PCCA: variants seen among roughly 807,000 people sequenced by gnomAD.
PCCA encodes propionyl-CoA carboxylase alpha chain, mitochondrial.
In PCCA, 74 loss-of-function variants were observed where a neutral mutation model predicts 101.3. The ratio of observed to expected loss-of-function variants is 0.73; its 90% CI spans 0.61 to 0.89. The LOEUF is 0.89. PCCA is among the 40% of genes least tolerant of loss of function. The pLI is 0.00. For missense variants in PCCA, 891 were observed against 907.0 expected (o/e 0.98, Z 0.23); for synonymous variants, 294 against 313.6 (o/e 0.94, Z 0.66).
chr13:100,249,072 G>A (rs970972452), intron 8 of PCCA, among the ~76,000 whole-genome samples: 5 of 152,136 alleles, frequency 3.3e-5, no homozygotes, highest in Admixed American at 6.5e-5. Context: ...ATTCTTTTAA[G>A]AATGTTATTT....
chr13:100,294,189 A>T (rs2065345679), intron 12 of PCCA, among the ~76,000 whole-genome samples: 1 of 151,926 alleles, frequency 6.6e-6, no homozygotes, highest in Non-Finnish European at 1.5e-5. Flanking sequence ...CTGGGTCCTG[A>T]TCTTCTCTTA....
At chr13:100,432,768 G>C (rs1022598651) in intron 20 of PCCA, among the ~76,000 whole-genome samples, 1 of 152,212 alleles carries the variant, frequency 6.6e-6, no homozygotes, top group Non-Finnish European at 1.5e-5. Context: ...GGTGCAAGCA[G>C]TGTAGAGAAA....
At chr13:100,505,196 G>C (rs1033796445) in intron 21 of PCCA, among the ~76,000 whole-genome samples, 2 of 152,126 alleles carry the variant, frequency 1.3e-5, no homozygotes, top group African/African-American at 4.8e-5. Flanking sequence ...CGTTTATATT[G>C]TGTCATTCAT....
chr13:100,266,983 T>C (rs1376358733), intron 10 of PCCA, among the ~76,000 whole-genome samples: 1 of 152,222 alleles, frequency 6.6e-6, no homozygotes, highest in African/African-American at 2.4e-5. Flanking sequence ...GTTTTCTGAT[T>C]ACATGGCTTC....
At chr13:100,215,735 G>C (rs140926861) in intron 7 of PCCA, among the ~76,000 whole-genome samples, 3,690 of 152,124 alleles carry the variant, frequency 0.024, 61 homozygotes, top group Non-Finnish European at 0.038. Context: ...TCCACCCTGG[G>C]TTCAAGCAAT....
At chr13:100,475,393 AT>A (rs1369854580) in intron 21 of PCCA, among the ~76,000 whole-genome samples, 1 of 152,078 alleles carries the variant, frequency 6.6e-6, no homozygotes, top group East Asian at 1.9e-4. Context: ...TATTCTGGAC[AT>A]TTCTTAGGAA....
At chr13:100,452,649 A>AT (rs1365865545) in intron 21 of PCCA, among the ~76,000 whole-genome samples, 1,697 of 135,870 alleles carry the variant, frequency 0.012, 36 homozygotes, top group African/African-American at 0.053. Flanking sequence ...CACTTTATTT[A>AT]TTTATTTTTT....
intron 16 of PCCA, among the ~76,000 whole-genome samples, chr13:100,329,870 T>C (rs1305456055): frequency 6.6e-6 from 1 of 152,162 alleles, no homozygotes; most frequent in Admixed American, 6.5e-5. Context: ...CCATTACATC[T>C]GAGAAGTATG....
chr13:100,178,654 C>T (rs938121989), intron 6 of PCCA, among the ~76,000 whole-genome samples: 4 of 151,970 alleles, frequency 2.6e-5, no homozygotes, highest in African/African-American at 7.3e-5. Flanking sequence ...ATTTTATTTG[C>T]GGAGGGTGGG....
intron 19 of PCCA, among the ~76,000 whole-genome samples, chr13:100,374,016 G>A (rs1023846159): frequency 6.6e-6 from 1 of 152,114 alleles, no homozygotes; most frequent in Non-Finnish European, 1.5e-5. Flanking sequence ...AGAGGCTGAG[G>A]CAGGAGAATC....
chr13:100,199,850 C>G (rs956925497), intron 6 of PCCA, among the ~76,000 whole-genome samples: 4 of 152,126 alleles, frequency 2.6e-5, no homozygotes, highest in Non-Finnish European at 2.9e-5. Flanking sequence ...CCTTTATTTA[C>G]TATTTCTGAA....
intron 6 of PCCA, among the ~76,000 whole-genome samples, chr13:100,194,865 G>A (rs938977423): frequency 6.6e-6 from 1 of 152,110 alleles, no homozygotes; most frequent in Non-Finnish European, 1.5e-5. Context: ...GTGGCATTGG[G>A]CATTTACAGC....
intron 18 of PCCA, among the ~76,000 whole-genome samples, chr13:100,348,772 CTTTCTTTCTTTCTTT>C (rs1566976305): frequency 1.5e-3 from 140 of 95,942 alleles, no homozygotes; most frequent in Middle Eastern, 5.0e-3. Context: ...TTCTTTCTTT[CTTTCTTTCTTTCTTT>C]CTTCCTTCCT....
At chr13:100,352,414 T>C (rs2073384217) in intron 18 of PCCA, among the ~76,000 whole-genome samples, 1 of 151,556 alleles carries the variant, frequency 6.6e-6, no homozygotes, top group Non-Finnish European at 1.5e-5. Flanking sequence ...TTTTTTTTTT[T>C]TGAGATAGGG....
chr13:100,430,223 G>A (rs886550446), intron 20 of PCCA, among the ~76,000 whole-genome samples: 10 of 152,162 alleles, frequency 6.6e-5, no homozygotes, highest in South Asian at 4.2e-4. Flanking sequence ...CTGAGATCGC[G>A]CCATTGCACT....
chr13:100,274,198 G>C (rs991086224), intron 12 of PCCA, among the ~76,000 whole-genome samples: 1 of 151,964 alleles, frequency 6.6e-6, no homozygotes, highest in Non-Finnish European at 1.5e-5. Flanking sequence ...TTTGAATTAC[G>C]CATACCTAAG....
At chr13:100,416,203 T>C (rs2078350478) in intron 19 of PCCA, among the ~76,000 whole-genome samples, 1 of 152,088 alleles carries the variant, frequency 6.6e-6, no homozygotes. Flanking sequence ...TTTTTTTTTT[T>C]TCTGAGACGG....
At chr13:100,148,681 TAAAACAA>T (rs1230503171) in intron 4 of PCCA, among the ~76,000 whole-genome samples, 1 of 152,040 alleles carries the variant, frequency 6.6e-6, no homozygotes, top group Non-Finnish European at 1.5e-5. Context: ...AGACAAAGAC[TAAAACAA>T]AAAACAAAAA....
At chr13:100,166,081 A>G (rs1298104219) in intron 6 of PCCA, among the ~76,000 whole-genome samples, 1 of 152,006 alleles carries the variant, frequency 6.6e-6, no homozygotes, top group African/African-American at 2.4e-5. Context: ...GTATCCTTCA[A>G]CTCCAAAGAC....
Sources: gnomAD v4.1 joint callset for allele counts (sites outside exome capture counted in the v4.1 genomes callset) on GRCh38, gnomAD v4.1.1 for gene constraint, MANE v1.5 for transcripts, NCBI Gene and HGNC (gene_info 2026-07-23, HGNC 2026-07-21) for gene names.